ADGRB1: variants seen among roughly 807,000 people sequenced by gnomAD.
The protein encoded by ADGRB1 is adhesion G protein-coupled receptor B1.
Under a neutral mutation model 175.7 loss-of-function variants are expected in ADGRB1, and 36 were observed. The observed-to-expected ratio is 0.20, with a 90% CI of 0.16 to 0.27. The LOEUF (loss-of-function observed/expected upper bound fraction) is 0.27, where lower values mean the gene tolerates loss of function less well. Ranked by LOEUF, ADGRB1 falls within the 10% of genes least tolerant of loss-of-function variation. The pLI, the probability that ADGRB1 is intolerant of heterozygous loss-of-function variation, is 1.00. For synonymous variants in ADGRB1, 1,054 were observed against 979.4 expected (o/e 1.08, Z -1.42); for missense variants, 1,731 against 2,255.3 (o/e 0.77, Z 4.71).
intron 2 of ADGRB1, among the ~76,000 whole-genome samples, chr8:142,470,894 C>A (rs970036291): frequency 4.6e-5 from 7 of 152,186 alleles, no homozygotes; most frequent in African/African-American, 1.4e-4. Context: ...AGGCTCAGCC[C>A]CAACCCCAGG....
At chr8:142,538,303 TCAG>T (rs1845059065) in intron 26 of ADGRB1, among the ~76,000 whole-genome samples, 1 of 152,190 alleles carries the variant, frequency 6.6e-6, no homozygotes, top group South Asian at 2.1e-4. Context: ...AGGCAGGGCC[TCAG>T]CAGATGGCAT....
chr8:142,532,225 G>T (rs1844662909), intron 24 of ADGRB1, among the ~76,000 whole-genome samples: 1 of 152,208 alleles, frequency 6.6e-6, no homozygotes, highest in South Asian at 2.1e-4. Context: ...CCTCCTGCGG[G>T]CAGGCACAGG....
Position 142,537,041 on chromosome 8 carries a change from G to C in ADGRB1, c.3625G>C (p.Asp1209His). The change falls in exon 26 of 31, where the codon GAC (aspartate) becomes CAC (histidine). Residue 1209 changes from aspartate (D) to histidine (H), a missense_variant. Asp to His is a moderately conservative substitution (Grantham distance 81, BLOSUM62 -1). Transcript: ENST00000517894. This position sits in a 1 kb window ranked among gnomAD's most constrained non-coding sequence, Gnocchi z 4.6. ...VVDRQEEGNG[D>H]SGGSFQNGHA... ...TGACCGGCAGGAGGAGGGCAACGGG[G>C]ACTCAGGGGGCTCCTTCCAGAACGG... 4.4e-6 allele frequency: 7 copies of C among 1,586,560 alleles called. No individual in the cohort carries two copies. Among genetic ancestry groups the C allele is most frequent in the Non-Finnish European group, 6.0e-6 (7 of 1,166,924 alleles).
chr8:142,487,923 C>T (rs1416168156), intron 13 of ADGRB1, among the ~76,000 whole-genome samples: 3 of 152,200 alleles, frequency 2.0e-5, no homozygotes, highest in Non-Finnish European at 2.9e-5. Flanking sequence ...GGAGGGGAGG[C>T]GGGATCAGCT....
chr8:142,513,065 A>C (rs1400625434), intron 18 of ADGRB1, among the ~76,000 whole-genome samples: 2 of 152,182 alleles, frequency 1.3e-5, no homozygotes, highest in East Asian at 3.9e-4. Context: ...GTGTTAGCCC[A>C]GCCCACGCAC....
At chr8:142,532,566 A>C (rs1248906941) in intron 24 of ADGRB1, among the ~76,000 whole-genome samples, 1 of 152,136 alleles carries the variant, frequency 6.6e-6, no homozygotes, top group Non-Finnish European at 1.5e-5. Context: ...GAAGAGGAGG[A>C]GGCGCCTGTC....
intron 18 of ADGRB1, among the ~76,000 whole-genome samples, chr8:142,514,940 G>A (rs942708321): frequency 2.6e-5 from 4 of 152,144 alleles, no homozygotes; most frequent in Admixed American, 2.0e-4. Flanking sequence ...GACGGTGTTG[G>A]GGCAGTGGCA....
At chr8:142,469,249 ATG>A (rs1322032939) in intron 2 of ADGRB1, among the ~76,000 whole-genome samples, 30 of 150,546 alleles carry the variant, frequency 2.0e-4, no homozygotes, top group Non-Finnish European at 7.4e-5. Context: ...GCACACATGC[ATG>A]TGTGTGAATG....
At position 142,544,359 on chromosome 8, in the gene ADGRB1, C is replaced by A; in HGVS notation, c.4697C>A (p.Ser1566Ter). ...LELRSVEWER[S>*]GATIPLVGQD... ...CTTCGCAGCGTGGAGTGGGAGAGGT[C>A]GGGCGCCACGATCCCGCTGGTGGGC... Residue 1566 changes from serine (S) to a stop codon, truncating the protein, a stop_gained, in exon 31 of 31, where the codon TCG (serine) becomes TAG (stop). Transcript: ENST00000517894. LOFTEE classifies it high-confidence loss of function. 6.5e-7 allele frequency: 1 copy of A among 1,538,414 alleles called. No individual in the cohort carries two copies. Among genetic ancestry groups the A allele is most frequent in the South Asian group, 1.2e-5 (1 of 82,848 alleles).
chr8:142,536,668 G>A (rs1211804255), intron 25 of ADGRB1, among the ~76,000 whole-genome samples: 6 of 152,002 alleles, frequency 3.9e-5, no homozygotes, highest in South Asian at 4.1e-4. Flanking sequence ...TCTTCGGCCC[G>A]CTGCAGGTCA....
chr8:142,452,205 G>C (rs2131606405), intron 1 of ADGRB1, among the ~76,000 whole-genome samples: 1 of 152,332 alleles, frequency 6.6e-6, no homozygotes, highest in Admixed American at 6.5e-5. Context: ...TCGATCTGGG[G>C]GGCAGAAGGC....
chr8:142,479,347 C>G lies in ADGRB1; in HGVS notation c.1586C>G (p.Ala529Gly). ...GTGGATGGCAAGTGGCAGGCCTGGGCGTCATGGGGCAGTTGCAGCGTCACG... is the reference window on the plus strand; with the variant it reads ...GTGGATGGCAAGTGGCAGGCCTGGGGGTCATGGGGCAGTTGCAGCGTCACG... The part of the protein sequence containing the change: ...CPVDGKWQAW[A>G]SWGSCSVTCG... The change falls in exon 8 of 31, where the codon GCG becomes GGG. Residue 529 changes from alanine (A) to glycine (G), a missense_variant. Coordinates refer to ENST00000517894, the MANE Select transcript of ADGRB1 (RefSeq NM_001702.3). 6.6e-7 allele frequency: 1 copy of G among 1,525,486 alleles called. No individual in the cohort carries two copies. Among genetic ancestry groups the G allele is most frequent in the Non-Finnish European group, 8.8e-7 (1 of 1,140,248 alleles). 94.5% of individuals were successfully genotyped at this position (1,525,486 alleles called of 1,614,324 possible).
intron 16 of ADGRB1, 81 bp downstream of exon 16, chr8:142,489,519 C>T (rs78486375): frequency 2.1e-6 from 3 of 1,421,538 alleles, no homozygotes; most frequent in African/African-American, 2.8e-5. Context: ...AGCCACTAAG[C>T]CTTTGGGGCC....
chr8:142,493,307 C>T lies in ADGRB1; in HGVS notation c.2675+2492C>T, dbSNP rs1842066634. On this transcript the variant is annotated intron_variant, in intron 17 of 30. Transcript: ENST00000517894. The surrounding 1 kb of genome is among the most constrained non-coding windows in gnomAD (Gnocchi z 5.0). The stretch of plus-strand genomic sequence containing the variant: ...TTGGGCAGAGCCTGTGCCCTGGGAG[C>T]CTTGGCTTCCTGACCCTATGGCCAG... Among the ~76,000 whole-genome samples, 1 of 152,020 alleles carries T rather than the reference C, an allele frequency of 6.6e-6. No individual in the cohort carries two copies. Among genetic ancestry groups the T allele is most frequent in the African/African-American group, 2.4e-5 (1 of 41,400 alleles).
At chr8:142,483,362 TCA>T (rs748243166) in intron 11 of ADGRB1, among the ~76,000 whole-genome samples, 7 of 90,076 alleles carry the variant, frequency 7.8e-5, no homozygotes, top group South Asian at 6.8e-4. Context: ...CTGACCCTGG[TCA>T]CACGCTGAGC....
intron 27 of ADGRB1, among the ~76,000 whole-genome samples, chr8:142,541,197 T>A (rs1355931474): frequency 6.6e-6 from 1 of 151,894 alleles, no homozygotes; most frequent in Admixed American, 6.6e-5. Context: ...CACCCCTCTG[T>A]CAGGGGCAGG....
At chr8:142,529,684 G>C (rs1247628319) in intron 24 of ADGRB1, among the ~76,000 whole-genome samples, 3 of 124,416 alleles carry the variant, frequency 2.4e-5, no homozygotes, top group Non-Finnish European at 4.8e-5. Context: ...GTACCTGTGA[G>C]CGTGCATCGG....
At chr8:142,507,945 A>G (rs907155132) in intron 17 of ADGRB1, among the ~76,000 whole-genome samples, 3 of 149,980 alleles carry the variant, frequency 2.0e-5, no homozygotes, top group Non-Finnish European at 3.0e-5. Context: ...ACAACCGCAC[A>G]CCCATCCCCA....
intron 17 of ADGRB1, among the ~76,000 whole-genome samples, chr8:142,494,977 C>G (rs1183168191): frequency 6.6e-6 from 1 of 152,172 alleles, no homozygotes; most frequent in Non-Finnish European, 1.5e-5. Context: ...ACAGGTGTCT[C>G]TACTGGAGTG....
Sources: allele counts gnomAD v4.1 joint callset (sites outside exome capture counted in the v4.1 genomes callset), GRCh38; gene constraint gnomAD v4.1.1; non-coding constraint Gnocchi (gnomAD v3.1); transcripts MANE v1.5; gene names NCBI Gene and HGNC (gene_info 2026-07-23, HGNC 2026-07-21).